The following PPP2R3A variants were observed in gnomAD, a reference collection of about 807,000 sequenced individuals.
PPP2R3A encodes protein phosphatase 2 regulatory subunit B''alpha.
A neutral mutation model predicts 106.9 loss-of-function variants in PPP2R3A; 80 were observed. That is an observed-to-expected ratio of 0.75 (90% CI 0.62 to 0.90). The LOEUF (loss-of-function observed/expected upper bound fraction) is 0.90. Ranked by LOEUF, PPP2R3A falls within the 40% of genes least tolerant of loss-of-function variation. The pLI is 0.00. For synonymous variants in PPP2R3A, 483 were observed against 468.3 expected (o/e 1.03, Z -0.41); for missense variants, 1,386 against 1,350.4 (o/e 1.03, Z -0.41).
intron 1 of PPP2R3A, among the ~76,000 whole-genome samples, chr3:135,968,855 T>C (rs1041368480): frequency 8.5e-5 from 13 of 152,246 alleles, no homozygotes; most frequent in Non-Finnish European, 1.9e-4. Flanking sequence ...AAAAATGTCT[T>C]GGGAATCTTT....
intron 13 of PPP2R3A, among the ~76,000 whole-genome samples, chr3:136,119,160 C>T (rs1350110129): frequency 6.6e-6 from 1 of 152,176 alleles, no homozygotes; most frequent in Non-Finnish European, 1.5e-5. Context: ...GGAAAACTGG[C>T]TAGCCATATG....
intron 3 of PPP2R3A, among the ~76,000 whole-genome samples, chr3:136,030,790 G>A (rs899322726): frequency 0.045 from 4,128 of 92,034 alleles, 114 homozygotes; most frequent in African/African-American, 0.11. Flanking sequence ...ATGTATGTAT[G>A]TATGTATGTA....
At chr3:135,999,228 T>C (rs1259974231) in intron 1 of PPP2R3A, among the ~76,000 whole-genome samples, 1 of 152,234 alleles carries the variant, frequency 6.6e-6, no homozygotes, top group Non-Finnish European at 1.5e-5. Context: ...ATCTGACATA[T>C]GTTAACTTAA....
chr3:136,128,227 TAAAG>T (rs1938259095), intron 13 of PPP2R3A, among the ~76,000 whole-genome samples: 2 of 151,160 alleles, frequency 1.3e-5, no homozygotes, highest in Admixed American at 6.6e-5. Context: ...GCAAATTGGA[TAAAG>T]AGTCAAGACC....
chr3:136,032,148 G>A (rs930807172), intron 3 of PPP2R3A, among the ~76,000 whole-genome samples: 1 of 152,212 alleles, frequency 6.6e-6, no homozygotes, highest in African/African-American at 2.4e-5. Context: ...CCATCCATGA[G>A]CATGGGATGT....
intron 3 of PPP2R3A, among the ~76,000 whole-genome samples, chr3:136,037,646 G>C (rs559464425): frequency 3.9e-5 from 6 of 152,284 alleles, no homozygotes; most frequent in African/African-American, 4.8e-5. Context: ...CCTCATCTAT[G>C]TGAGGATCAC....
At chr3:136,077,115 G>C (rs1009441707) in intron 6 of PPP2R3A, among the ~76,000 whole-genome samples, 1 of 152,180 alleles carries the variant, frequency 6.6e-6, no homozygotes, top group African/African-American at 2.4e-5. Flanking sequence ...ACAGAAGGCA[G>C]AGCTCTAGTC....
At chr3:136,010,821 C>T (rs1476913613) in intron 2 of PPP2R3A, among the ~76,000 whole-genome samples, 1 of 152,134 alleles carries the variant, frequency 6.6e-6, no homozygotes, top group Non-Finnish European at 1.5e-5. Context: ...GAGATTGACC[C>T]ATTTCTCCCC....
intron 13 of PPP2R3A, among the ~76,000 whole-genome samples, chr3:136,121,580 T>C (rs1000795950): frequency 6.6e-6 from 1 of 152,056 alleles, no homozygotes; most frequent in African/African-American, 2.4e-5. Flanking sequence ...CCCTTGAATC[T>C]AAAATAAAAG....
intron 3 of PPP2R3A, among the ~76,000 whole-genome samples, chr3:136,034,995 A>C (rs1051101080): frequency 6.6e-6 from 1 of 151,878 alleles, no homozygotes; most frequent in African/African-American, 2.4e-5. Flanking sequence ...TTCTTTTTTA[A>C]CTGTTGTTCC....
At chr3:136,015,719 A>G (rs574473005) in intron 2 of PPP2R3A, among the ~76,000 whole-genome samples, 1 of 151,782 alleles carries the variant, frequency 6.6e-6, no homozygotes, top group South Asian at 2.1e-4. Context: ...TTCTCGGTTA[A>G]TCTCTCTAAT....
chr3:136,045,564 T>G (rs1411298401), intron 4 of PPP2R3A, among the ~76,000 whole-genome samples: 1 of 152,210 alleles, frequency 6.6e-6, no homozygotes, highest in African/African-American at 2.4e-5. Context: ...ACTAGCTGGT[T>G]GGGCCAAATT....
chr3:136,017,483 T>C (rs535760622), intron 2 of PPP2R3A, among the ~76,000 whole-genome samples: 1 of 152,366 alleles, frequency 6.6e-6, no homozygotes, highest in South Asian at 2.1e-4. Context: ...TTTGGGTTGT[T>C]TCCACTTTTT....
chr3:136,049,360 A>G lies in PPP2R3A; in HGVS notation c.2468A>G (p.Gln823Arg). Residue 823 changes from glutamine (Q) to arginine (R), a missense_variant and splice_region_variant, in exon 5 of 14, where the codon CAG (glutamine) becomes CGG (arginine). Physicochemically the swap from Gln to Arg is conservative, Grantham distance 43. Coordinates refer to ENST00000264977, the MANE Select transcript of PPP2R3A (RefSeq NM_002718.5). ...LEQEDFIPLL[Q>R]DVVDTHPGLT... The stretch of plus-strand genomic sequence containing the variant: ...CAGGAGGATTTCATCCCTCTACTTC[A>G]GGTAATTTTCATCTCCTTTTGAAAA... 3.1e-6 allele frequency: 5 copies of G among 1,597,204 alleles called. No homozygotes were observed. Among genetic ancestry groups the G allele is most frequent in the Non-Finnish European group, 4.3e-6 (5 of 1,172,456 alleles).
At chr3:136,032,260 GT>G (rs1553745608) in intron 3 of PPP2R3A, among the ~76,000 whole-genome samples, 2 of 151,938 alleles carry the variant, frequency 1.3e-5, no homozygotes, top group East Asian at 1.9e-4. Flanking sequence ...TGCTAAGTAT[GT>G]TTTTTGTTTG....
In PPP2R3A at chr3:136,055,139, T is replaced by G. The variant is rs1441018980; in HGVS notation, c.2469+5778T>G. ...GCTACAAGGCTTTTTTCCTCAAAGA[T>G]TCCTTTTAGGCTTACTTTGGTGTTC... On this transcript the variant is annotated intron_variant, in intron 5 of 13. Coordinates refer to ENST00000264977, the MANE Select transcript of PPP2R3A (RefSeq NM_002718.5). The G allele has an allele frequency of 5.6e-6, 4 of 710,676 alleles. No individual in the cohort carries two copies. The African/African-American group carries it at 7.0e-5, about 12-fold the overall frequency. The allele number at this position is 710,676 out of a possible 1,614,324, so 44.0% of individuals were successfully genotyped here. A position where few individuals can be genotyped will look rare whatever the true frequency, so the allele number is the denominator to read the frequency against.
At position 136,025,922 on chromosome 3, in the gene PPP2R3A, G is replaced by C. The variant is rs547978005; in HGVS notation, c.1996-910G>C. Among the ~76,000 whole-genome samples, 84 of 152,188 alleles carry C rather than the reference G, an allele frequency of 5.5e-4. 1 individual carries two copies. Among genetic ancestry groups the C allele is most frequent in the African/African-American group, 1.4e-3 (60 of 41,554 alleles). ...TTTGCTTTTTCTGGTAAGAATCTCA[G>C]AACTAAATTTAGTCTTTATTGGTAA... On this transcript the variant is annotated intron_variant, in intron 2 of 13. Transcript: ENST00000264977.
chr3:136,139,612 G>C (rs1419310544), intron 13 of PPP2R3A, among the ~76,000 whole-genome samples: 1 of 150,496 alleles, frequency 6.6e-6, no homozygotes, highest in Non-Finnish European at 1.5e-5. Context: ...AGAATCGCTT[G>C]AACCTCGGAG....
intron 12 of PPP2R3A, among the ~76,000 whole-genome samples, chr3:136,104,220 TTGCATTATCGC>T (rs1293830423): frequency 6.6e-6 from 1 of 152,198 alleles, no homozygotes; most frequent in African/African-American, 2.4e-5. Flanking sequence ...GCATATCAAG[TTGCATTATCGC>T]TGGCTTAAAG....
Sources: gnomAD v4.1 joint callset for allele counts (sites outside exome capture counted in the v4.1 genomes callset) on GRCh38, gnomAD v4.1.1 for gene constraint, MANE v1.5 for transcripts, NCBI Gene and HGNC (gene_info 2026-07-23, HGNC 2026-07-21) for gene names.